The following LGSN variants were observed in gnomAD, a reference collection of about 807,000 sequenced individuals.
LGSN encodes lengsin, lens protein with glutamine synthetase domain.
Under a neutral mutation model 19.5 loss-of-function variants are expected in LGSN, and 21 were observed. The observed-to-expected ratio is 1.07, with a 90% CI of 0.76 to 1.55. LGSN has a LOEUF of 1.55. LGSN is among the 40% of genes most tolerant of loss of function. The pLI is 0.00. For missense variants in LGSN, 673 were observed against 608.5 expected, an observed-to-expected ratio of 1.11 and a Z score of -1.12; for synonymous variants, 257 against 215.6, an observed-to-expected ratio of 1.19 and a Z score of -1.68.
the LGSN span, among the ~76,000 whole-genome samples, chr6:63,561,311 G>A: frequency 2.6e-5 from 4 of 152,092 alleles, no homozygotes; most frequent in Non-Finnish European, 5.9e-5. Flanking sequence ...TTTATGAAAG[G>A]TTTAATATAG....
the LGSN span, among the ~76,000 whole-genome samples, chr6:63,438,797 A>G: frequency 1.3e-5 from 2 of 152,312 alleles, no homozygotes; most frequent in South Asian, 2.1e-4. Flanking sequence ...TCAGTGTAGC[A>G]ATTCCTCAGG....
chr6:63,412,882 AAG>A, the LGSN span, among the ~76,000 whole-genome samples: 6 of 149,690 alleles, frequency 4.0e-5, no homozygotes, highest in Non-Finnish European at 8.9e-5. Context: ...AAGAGAAAGA[AAG>A]AGGGAGAGAA....
chr6:63,412,713 A>T, the LGSN span, among the ~76,000 whole-genome samples: 1 of 93,126 alleles, frequency 1.1e-5, no homozygotes, highest in African/African-American at 6.3e-5. Flanking sequence ...GAAAGAGGGA[A>T]GGAAGGAAAG....
chr6:63,290,475 G>A (rs997891654), intron 2 of LGSN, among the ~76,000 whole-genome samples: 16 of 152,362 alleles, frequency 1.1e-4, no homozygotes, highest in African/African-American at 3.6e-4. Context: ...AGTCTTCCCA[G>A]TGTTTAGAAA....
the LGSN span, among the ~76,000 whole-genome samples, chr6:63,428,575 T>C: frequency 3.3e-5 from 5 of 152,126 alleles, no homozygotes; most frequent in Non-Finnish European, 7.4e-5. Context: ...GGTCTCGAAC[T>C]CCTGACCTCA....
chr6:63,471,999 A>G, the LGSN span, among the ~76,000 whole-genome samples: 1 of 152,160 alleles, frequency 6.6e-6, no homozygotes, highest in Non-Finnish European at 1.5e-5. Context: ...TGTTTTATCC[A>G]GGATTATTTT....
the LGSN span, among the ~76,000 whole-genome samples, chr6:63,422,566 T>C: frequency 6.6e-6 from 1 of 152,176 alleles, no homozygotes; most frequent in Admixed American, 6.5e-5. Context: ...CCCATTTACC[T>C]ATAGGAGTAA....
At chr6:63,283,183 T>A (rs902030173) in intron 3 of LGSN, among the ~76,000 whole-genome samples, 25 of 152,244 alleles carry the variant, frequency 1.6e-4, no homozygotes, top group African/African-American at 5.8e-4. Flanking sequence ...ATTCTTTTCT[T>A]GGACATAGAG....
the LGSN span, among the ~76,000 whole-genome samples, chr6:63,473,235 G>A: frequency 1.3e-5 from 2 of 151,926 alleles, no homozygotes; most frequent in African/African-American, 2.4e-5. Flanking sequence ...CACTTTGGGA[G>A]ACTGAGGTGG....
chr6:63,295,198 A>G (rs565323149), intron 1 of LGSN, among the ~76,000 whole-genome samples, 153 bp from the exon 2 acceptor site: 23 of 152,352 alleles, frequency 1.5e-4, no homozygotes, highest in Admixed American at 9.1e-4. Flanking sequence ...CACTCACCTG[A>G]ATAACTCACA....
At chr6:63,323,664 T>C (rs760546399), upstream of LGSN, among the ~76,000 whole-genome samples, 1 of 151,246 alleles carries the variant, frequency 6.6e-6, no homozygotes, top group Non-Finnish European at 1.5e-5. Flanking sequence ...GCATTGTACA[T>C]ATTAACATAA....
At chr6:63,360,202 G>A in the LGSN span, among the ~76,000 whole-genome samples, 13 of 152,176 alleles carry the variant, frequency 8.5e-5, no homozygotes, top group Non-Finnish European at 1.6e-4. Context: ...GAATTTGAAT[G>A]TTGGCCTGCC....
At chr6:63,367,860 A>G in the LGSN span, among the ~76,000 whole-genome samples, 2 of 150,554 alleles carry the variant, frequency 1.3e-5, no homozygotes, top group Non-Finnish European at 3.0e-5. Context: ...TAAACACTGC[A>G]TGTTCTCACT....
At chr6:63,313,056 G>A (rs1194879165) in intron 1 of LGSN, among the ~76,000 whole-genome samples, 1 of 151,990 alleles carries the variant, frequency 6.6e-6, no homozygotes, top group Admixed American at 6.6e-5. Flanking sequence ...GACAGTGGTT[G>A]GAATTATTAA....
the LGSN span, among the ~76,000 whole-genome samples, chr6:63,572,871 G>T: frequency 2.6e-5 from 4 of 152,144 alleles, no homozygotes; most frequent in Admixed American, 1.3e-4. Flanking sequence ...GCGGGTTATG[G>T]CCCTGTGGCC....
At chr6:63,506,484 C>T in the LGSN span, among the ~76,000 whole-genome samples, 12 of 152,024 alleles carry the variant, frequency 7.9e-5, no homozygotes, top group East Asian at 9.7e-4. Context: ...AGGCTGGTCT[C>T]GAACTCCTGA....
the LGSN span, among the ~76,000 whole-genome samples, chr6:63,412,434 GAA>G: frequency 1.4e-4 from 18 of 129,020 alleles, no homozygotes; most frequent in African/African-American, 5.0e-4. Flanking sequence ...AAGAAAGAAA[GAA>G]AGAAAGCAAG....
At chr6:63,425,829 GAAA>G in the LGSN span, among the ~76,000 whole-genome samples, 6 of 151,784 alleles carry the variant, frequency 4.0e-5, no homozygotes, top group Non-Finnish European at 8.8e-5. Context: ...ACAATAAAAA[GAAA>G]TATACTGTAT....
chr6:63,313,614 G>C (rs6926934), intron 1 of LGSN, among the ~76,000 whole-genome samples: 5,486 of 152,042 alleles, frequency 0.036, 338 homozygotes, highest in African/African-American at 0.13. Flanking sequence ...GTGGGCAAAT[G>C]ACTTGAGGCC....
Sources: allele counts gnomAD v4.1 joint callset (sites outside exome capture counted in the v4.1 genomes callset), GRCh38; gene constraint gnomAD v4.1.1; transcripts MANE v1.5; gene names NCBI Gene and HGNC (gene_info 2026-07-23, HGNC 2026-07-21).